Variants in RPS6KA5 observed in about 807,000 individuals in gnomAD.
RPS6KA5 encodes ribosomal protein S6 kinase alpha-5.
In RPS6KA5, 27 loss-of-function variants were observed where a neutral mutation model predicts 85.5. The ratio of observed to expected loss-of-function variants is 0.32; its 90% CI spans 0.23 to 0.44. The LOEUF is 0.44. Ranked by LOEUF, RPS6KA5 falls within the 20% of genes least tolerant of loss-of-function variation. The pLI, the probability that RPS6KA5 is intolerant of heterozygous loss-of-function variation, is 1.00. For missense variants in RPS6KA5, 811 were observed against 980.9 expected (o/e 0.83, Z 2.31); for synonymous variants, 334 against 348.2 (o/e 0.96, Z 0.46).
rs191877860 is a variant in RPS6KA5 at position 91,019,774 on chromosome 14, T to C, written c.104-18615A>G. ...ATTTTCATCTTAGGATATTTTCAAC[T>C]TATAATGGTGTTATCGGAACATAAC... On this transcript the variant is annotated intron_variant, in intron 1 of 16. Transcript: ENST00000614987. Among the ~76,000 whole-genome samples the C allele has an allele frequency of 2.0e-5, 3 of 152,362 alleles. No homozygotes were observed. The East Asian group carries it at 5.8e-4, about 29-fold the overall frequency.
intron 6 of RPS6KA5, among the ~76,000 whole-genome samples, chr14:90,922,680 C>G (rs1382838683): frequency 6.6e-6 from 1 of 152,180 alleles, no homozygotes; most frequent in Non-Finnish European, 1.5e-5. Context: ...AACTCCTGAC[C>G]TCAGGTGATC....
At chr14:90,994,261 C>T (rs994280868) in intron 2 of RPS6KA5, among the ~76,000 whole-genome samples, 3 of 152,016 alleles carry the variant, frequency 2.0e-5, no homozygotes, top group Non-Finnish European at 4.4e-5. Flanking sequence ...ATCTATCTTC[C>T]AATCCACAAT....
chr14:90,960,958 A>G (rs146501837), intron 3 of RPS6KA5, among the ~76,000 whole-genome samples: 15 of 152,278 alleles, frequency 9.9e-5, no homozygotes, highest in African/African-American at 2.9e-4. Flanking sequence ...TACTGTTCGT[A>G]TACACTCCTG....
rs1810893806 is a variant in RPS6KA5, at chr14:90,859,974, TA to T, written c.*12099del. The stretch of plus-strand genomic sequence containing the variant: ...TGGGGCCTGTCGGGGGGTTGGGGGC[TA>T]GGGGAGGGATAACATTAGGAGAAAT... On this transcript the variant is annotated 3_prime_UTR_variant, in exon 17 of 17. Transcript: ENST00000614987. 1 of 141,618 alleles carries T rather than the reference TA, an allele frequency of 7.1e-6. No homozygotes were observed. Among genetic ancestry groups the T allele is most frequent in the Non-Finnish European group, 1.5e-5 (1 of 65,256 alleles). 8.8% of individuals were successfully genotyped at this position (141,618 alleles called of 1,614,324 possible).
intron 1 of RPS6KA5, among the ~76,000 whole-genome samples, chr14:91,052,668 C>CAA (rs562901431): frequency 3.1e-5 from 3 of 97,856 alleles, no homozygotes; most frequent in Non-Finnish European, 4.6e-5. Context: ...ACTAAAAGTA[C>CAA]AAAAAAAAAA....
chr14:91,003,203 C>A (rs77870621), intron 1 of RPS6KA5, among the ~76,000 whole-genome samples: 2,723 of 152,000 alleles, frequency 0.018, 64 homozygotes, highest in African/African-American at 0.063. Context: ...GAGATATGTA[C>A]AAGCCCAGCT....
chr14:91,014,467 A>G (rs2139760372), intron 1 of RPS6KA5, among the ~76,000 whole-genome samples: 1 of 150,260 alleles, frequency 6.7e-6, no homozygotes, highest in East Asian at 2.0e-4. Flanking sequence ...ACACCACTGC[A>G]CTCCAGCCTG....
intron 1 of RPS6KA5, among the ~76,000 whole-genome samples, chr14:91,052,839 A>C (rs1003023017): frequency 6.0e-5 from 9 of 150,086 alleles, no homozygotes; most frequent in African/African-American, 1.9e-4. Flanking sequence ...TCTCCAAAAA[A>C]AAAAAAAAAA....
intron 14 of RPS6KA5, among the ~76,000 whole-genome samples, chr14:90,878,404 G>A (rs761791213): frequency 5.3e-5 from 8 of 152,018 alleles, no homozygotes; most frequent in African/African-American, 9.7e-5. Context: ...CAGGAATTCC[G>A]CCCCTTTTCC....
chr14:91,000,805 A>AAAAAT (rs1452394130), intron 2 of RPS6KA5, among the ~76,000 whole-genome samples: 5 of 151,880 alleles, frequency 3.3e-5, no homozygotes, highest in African/African-American at 9.7e-5. Flanking sequence ...CCGTCTCAAA[A>AAAAAT]AAAATAAAAT....
chr14:90,998,873 C>T (rs2040650533), intron 2 of RPS6KA5, among the ~76,000 whole-genome samples: 1 of 152,184 alleles, frequency 6.6e-6, no homozygotes, highest in African/African-American at 2.4e-5. Flanking sequence ...CCTCATACAG[C>T]AGGGCCGTAG....
At position 91,032,969 on chromosome 14, in the gene RPS6KA5, A is replaced by T. The variant is rs185189698; in HGVS notation, c.103+27363T>A. Among the ~76,000 whole-genome samples, 50 of 151,982 alleles carry T rather than the reference A, an allele frequency of 3.3e-4. 1 individual carries two copies. Among genetic ancestry groups the T allele is most frequent in the Admixed American group, 3.3e-3 (50 of 15,256 alleles). Reference sequence around the variant, plus strand: ...TGGGCAGATCGAGGTCAGGAGATCGAGACCAGGAGATTGAGACCATCCTGG... The same window carrying T: ...TGGGCAGATCGAGGTCAGGAGATCGTGACCAGGAGATTGAGACCATCCTGG... On this transcript the variant is annotated intron_variant, in intron 1 of 16. Coordinates refer to ENST00000614987, the MANE Select transcript of RPS6KA5 (RefSeq NM_004755.4).
chr14:90,992,744 G>A (rs535008074), intron 2 of RPS6KA5, among the ~76,000 whole-genome samples: 1 of 152,296 alleles, frequency 6.6e-6, no homozygotes, highest in African/African-American at 2.4e-5. Context: ...ACTGTACTGA[G>A]TGTCTTCCCA....
chr14:90,944,234 C>T (rs1231422696), intron 4 of RPS6KA5, among the ~76,000 whole-genome samples: 1 of 152,238 alleles, frequency 6.6e-6, no homozygotes, highest in African/African-American at 2.4e-5. Context: ...TTAAATGTTT[C>T]TAAACTTAGA....
chr14:90,900,295 G>A, intron 10 of RPS6KA5, 54 bp from the exon 11 acceptor site: 2 of 1,315,636 alleles, frequency 1.5e-6, no homozygotes, highest in East Asian at 2.6e-5. Flanking sequence ...ATACACAAAG[G>A]ATCAATAAAA....
At chr14:91,003,902 A>T (rs988854429) in intron 1 of RPS6KA5, among the ~76,000 whole-genome samples, 9 of 152,202 alleles carry the variant, frequency 5.9e-5, no homozygotes, top group Admixed American at 3.9e-4. Context: ...AAGAATGGCA[A>T]GATTCCAGTA....
chr14:90,924,345 G>C (rs968162146), intron 5 of RPS6KA5, among the ~76,000 whole-genome samples: 4 of 151,966 alleles, frequency 2.6e-5, no homozygotes, highest in African/African-American at 7.3e-5. Context: ...ATCACCAATT[G>C]TAACTTTTGA....
intron 2 of RPS6KA5, among the ~76,000 whole-genome samples, chr14:90,986,632 C>T (rs1162725711): frequency 6.6e-6 from 1 of 152,198 alleles, no homozygotes; most frequent in Non-Finnish European, 1.5e-5. Flanking sequence ...GTCCCCTTTA[C>T]AGGCCGGTGC....
rs111690778 is a variant in RPS6KA5, at chr14:90,982,755, G to A, written c.176-4231C>T. On this transcript the variant is annotated intron_variant, in intron 2 of 16. Transcript: ENST00000614987. ...GCACTTTGGGAGGCCGGAGCGGGCG[G>A]ATCACCTGAGGTCAGGAATTCGAGA... is the stretch of plus-strand genomic sequence containing the variant. Among the ~76,000 whole-genome samples, 646 of 152,288 alleles carry A rather than the reference G, an allele frequency of 4.2e-3. 4 individuals are homozygous for A. The highest frequency in any genetic ancestry group is 0.014 in the African/African-American group (597 of 41,558).
Sources: allele counts gnomAD v4.1 joint callset (sites outside exome capture counted in the v4.1 genomes callset), GRCh38; gene constraint gnomAD v4.1.1; transcripts MANE v1.5; gene names NCBI Gene and HGNC (gene_info 2026-07-23, HGNC 2026-07-21).